NCKAP1: variants seen among roughly 807,000 people sequenced by gnomAD.
NCKAP1 encodes NCK associated protein 1.
A neutral mutation model predicts 151.2 loss-of-function variants in NCKAP1; 21 were observed. The ratio of observed to expected loss-of-function variants is 0.14; its 90% confidence interval spans 0.10 to 0.20. The LOEUF is 0.20. Among genes scored for constraint, NCKAP1 ranks in the 10% least tolerant of loss-of-function variants. The pLI is 1.00. For missense variants in NCKAP1, 933 were observed against 1,352.1 expected (o/e 0.69, Z 4.86); for synonymous variants, 484 against 451.8 (o/e 1.07, Z -0.90).
chr2:182,930,397 T>A lies in NCKAP1; in HGVS notation c.2953+298A>T, dbSNP rs72886535. 0.088 allele frequency among the ~76,000 whole-genome samples: 13,454 copies of A among 152,050 alleles called. 722 individuals are homozygous for A. Among genetic ancestry groups the A allele is most frequent in the Non-Finnish European group, 0.12 (8,152 of 67,900 alleles). On this transcript the variant is annotated intron_variant, in intron 27 of 30. Coordinates refer to ENST00000361354, the MANE Select transcript of NCKAP1 (RefSeq NM_013436.5). ...TCTAAATTTCTTTTTTCGTGGTTTT[T>A]CCTTTTCTCCCTGAGCTCTTAAATC...
intron 1 of NCKAP1, among the ~76,000 whole-genome samples, chr2:183,032,708 C>T (rs1699027691): frequency 6.6e-6 from 1 of 152,144 alleles, no homozygotes; most frequent in Admixed American, 6.5e-5. Flanking sequence ...TGCTCCTCAA[C>T]TTAACAATAG....
In NCKAP1 at chr2:183,035,525, GT is replaced by G. The variant is rs540416247; in HGVS notation, c.108+2466del. 2.4e-4 allele frequency among the ~76,000 whole-genome samples: 36 copies of G among 148,776 alleles called. 1 individual carries two copies. The South Asian group carries it at 5.5e-3, about 23-fold the overall frequency. ...GCAAACATGTATTATGAGGTGGAAG[GT>G]TTTTTTTTTAAGACTAGAAGAGGTT... On this transcript the variant is annotated intron_variant, in intron 1 of 30. Coordinates refer to ENST00000361354, the MANE Select transcript of NCKAP1 (RefSeq NM_013436.5).
chr2:182,986,989 C>A (rs899742225), intron 9 of NCKAP1, among the ~76,000 whole-genome samples: 1 of 152,140 alleles, frequency 6.6e-6, no homozygotes, highest in African/African-American at 2.4e-5. Context: ...CACCTGTAAT[C>A]CCAGCACTTT....
intron 12 of NCKAP1, 58 bp from the exon 13 acceptor site, chr2:182,981,434 A>T: frequency 7.6e-7 from 1 of 1,317,876 alleles, no homozygotes; most frequent in South Asian, 1.3e-5. Context: ...ATTAAAGAAT[A>T]TATTCGATGC....
chr2:182,923,765 A>C lies in NCKAP1; in HGVS notation c.*1937T>G, dbSNP rs1351802973. 1 of 152,198 alleles carries C rather than the reference A, an allele frequency of 6.6e-6. No homozygotes were observed. The highest frequency in any genetic ancestry group is 1.5e-5 in the Non-Finnish European group (1 of 68,036). 9.4% of individuals were successfully genotyped at this position (152,198 alleles called of 1,614,324 possible). ...AAAATAAAACAAACAAGATATTAAA[A>C]ATAGTAGTTGTCAATTTACTTTTAA... On this transcript the variant is annotated 3_prime_UTR_variant, in exon 31 of 31. Coordinates refer to ENST00000361354, the MANE Select transcript of NCKAP1 (RefSeq NM_013436.5).
Position 182,924,334 on chromosome 2 carries a change from T to C in NCKAP1, c.*1368A>G, listed in dbSNP as rs1696599826. ...CAGCCTTCTTTTATCTTAACACAAGTTACCAGTGTATACATAAGAAGCTGT... is the reference window on the plus strand; with the variant it reads ...CAGCCTTCTTTTATCTTAACACAAGCTACCAGTGTATACATAAGAAGCTGT... On this transcript the variant is annotated 3_prime_UTR_variant, in exon 31 of 31. Transcript: ENST00000361354. 1 of 152,186 alleles carries C rather than the reference T, an allele frequency of 6.6e-6. No individual in the cohort carries two copies. The highest frequency in any genetic ancestry group is 1.5e-5 in the Non-Finnish European group (1 of 68,026). 9.4% of individuals were successfully genotyped at this position (152,186 alleles called of 1,614,324 possible).
chr2:182,952,991 C>A, intron 21 of NCKAP1, 68 bp from the exon 22 acceptor site: 1 of 1,515,692 alleles, frequency 6.6e-7, no homozygotes. Context: ...GATATACATT[C>A]CTGCATATAA....
intron 6 of NCKAP1, among the ~76,000 whole-genome samples, chr2:182,999,164 T>C (rs897201378): frequency 6.6e-6 from 1 of 152,094 alleles, no homozygotes; most frequent in Non-Finnish European, 1.5e-5. Flanking sequence ...AAAATATATA[T>C]GGAACCAAAA....
chr2:182,962,992 T>G (rs924446571), intron 17 of NCKAP1, among the ~76,000 whole-genome samples: 6 of 151,976 alleles, frequency 3.9e-5, no homozygotes, highest in Non-Finnish European at 4.4e-5. Context: ...TACAAAGAAA[T>G]AAAATTTTTA....
chr2:183,031,161 TTC>T (rs1222611023), intron 1 of NCKAP1, among the ~76,000 whole-genome samples: 1 of 152,218 alleles, frequency 6.6e-6, no homozygotes, highest in Admixed American at 6.5e-5. Flanking sequence ...TAGACACAAG[TTC>T]TGAGAAAGTC....
intron 15 of NCKAP1, among the ~76,000 whole-genome samples, chr2:182,971,380 C>A (rs1470695030): frequency 8.5e-6 from 1 of 117,206 alleles, no homozygotes; most frequent in Non-Finnish European, 1.7e-5. Flanking sequence ...GGCGACAGAG[C>A]GAGACTCCGT....
At chr2:182,935,415 T>A in intron 24 of NCKAP1, 40 bp from the exon 25 acceptor site, 1 of 1,251,748 alleles carries the variant, frequency 8.0e-7, no homozygotes, top group Non-Finnish European at 1.1e-6. Context: ...AATAAAAAAG[T>A]GTGAACTGGA....
chr2:182,986,359 TG>T (rs1698057215), intron 9 of NCKAP1, 132 bp from the exon 10 acceptor site: 5 of 695,968 alleles, frequency 7.2e-6, no homozygotes, highest in Non-Finnish European at 9.7e-6. Context: ...TGGAAGTGCA[TG>T]GAAGAATCTA....
rs1421679649 is a variant in NCKAP1 at position 182,909,765 on chromosome 2, T to C, written c.*15937A>G. Reference sequence around the variant, plus strand: ...AAATGAGAATTTTCTGTGCTCCATTTTGAATTTGATTTGTAGTTCTCAGAA... The same window carrying C: ...AAATGAGAATTTTCTGTGCTCCATTCTGAATTTGATTTGTAGTTCTCAGAA... On this transcript the variant is annotated 3_prime_UTR_variant, in exon 31 of 31. Transcript: ENST00000361354. The C allele has an allele frequency of 6.6e-6, 1 of 152,166 alleles. No homozygotes were observed. Among genetic ancestry groups the C allele is most frequent in the African/African-American group, 2.4e-5 (1 of 41,446 alleles). 9.4% of individuals were successfully genotyped at this position (152,166 alleles called of 1,614,324 possible).
chr2:183,032,858 G>A (rs911960710), intron 1 of NCKAP1, among the ~76,000 whole-genome samples: 1 of 152,094 alleles, frequency 6.6e-6, no homozygotes, highest in Non-Finnish European at 1.5e-5. Context: ...ACCAGCCTGG[G>A]CAACACGGTG....
At chr2:182,965,362 T>C (rs1559085065) in intron 16 of NCKAP1, among the ~76,000 whole-genome samples, 1 of 152,124 alleles carries the variant, frequency 6.6e-6, no homozygotes, top group Non-Finnish European at 1.5e-5. Flanking sequence ...GGACACTTTG[T>C]TGCCCAGGCT....
At chr2:182,952,331 C>T in intron 23 of NCKAP1, 74 bp downstream of exon 23, 4 of 917,048 alleles carry the variant, frequency 4.4e-6, no homozygotes, top group South Asian at 1.9e-5. Flanking sequence ...ACATTGTAGG[C>T]TTGTTGCTCA....
chr2:182,987,607 G>A (rs1002991808), intron 9 of NCKAP1, among the ~76,000 whole-genome samples: 3 of 152,052 alleles, frequency 2.0e-5, no homozygotes, highest in Non-Finnish European at 4.4e-5. Flanking sequence ...GAGGCTAACT[G>A]GTTTTAAATG....
At chr2:182,991,207 T>G (rs781695340) in intron 8 of NCKAP1, among the ~76,000 whole-genome samples, 3 of 152,220 alleles carry the variant, frequency 2.0e-5, no homozygotes, top group African/African-American at 7.2e-5. Flanking sequence ...ATACGTGTTA[T>G]GAGTTAAAGT....
Sources: allele counts gnomAD v4.1 joint callset (sites outside exome capture counted in the v4.1 genomes callset), GRCh38; gene constraint gnomAD v4.1.1; transcripts MANE v1.5; gene names NCBI Gene and HGNC (gene_info 2026-07-23, HGNC 2026-07-21).